The following NME8 variants were observed in gnomAD, a reference collection of about 807,000 sequenced individuals.
The protein encoded by NME8 is NME/NM23 family member 8.
In NME8, 72 loss-of-function variants were observed where a neutral mutation model predicts 82.3. The ratio of observed to expected loss-of-function variants is 0.87; its 90% confidence interval spans 0.72 to 1.06. The LOEUF is 1.06. Among genes scored for constraint, NME8 ranks in the 50% least tolerant of loss-of-function variants. The probability of loss-of-function intolerance (pLI) is 0.00; values close to 1 mark genes in which losing one functional copy is unlikely to be tolerated. For missense variants in NME8, 712 were observed against 685.4 expected (o/e 1.04, Z -0.43); for synonymous variants, 267 against 228.5 (o/e 1.17, Z -1.52).
intron 11 of NME8, among the ~76,000 whole-genome samples, 185 bp from the exon 12 acceptor site, chr7:37,876,647 A>G (rs374445868): frequency 6.6e-6 from 1 of 151,824 alleles, no homozygotes; most frequent in African/African-American, 2.4e-5. Flanking sequence ...AGTGGGCTCA[A>G]TAAAAAGTTG....
intron 14 of NME8, 131 bp downstream of exon 14, chr7:37,885,383 G>C (rs1036473693): frequency 1.4e-6 from 1 of 710,572 alleles, no homozygotes; most frequent in South Asian, 1.5e-5. Flanking sequence ...TCCTGGGGAC[G>C]GAGTGGACTG....
chr7:37,874,093 A>G (rs1459375775), intron 11 of NME8, among the ~76,000 whole-genome samples: 2 of 152,216 alleles, frequency 1.3e-5, no homozygotes, highest in Admixed American at 6.5e-5. Flanking sequence ...ACTTAGCAAT[A>G]TATCACCTAT....
intron 8 of NME8, 118 bp from the exon 9 acceptor site, chr7:37,864,230 T>C: frequency 1.6e-6 from 2 of 1,263,472 alleles, no homozygotes; most frequent in Non-Finnish European, 2.2e-6. Context: ...TACACAGCTA[T>C]CAATGGGCAA....
chr7:37,888,520 A>G lies in NME8; in HGVS notation c.1399+92A>G, dbSNP rs1361751433. The G allele has an allele frequency of 1.0e-5, 13 of 1,291,202 alleles. No homozygotes were observed. In the Admixed American group the frequency reaches 2.5e-4, roughly 25 times the overall value. 80.0% of individuals were successfully genotyped at this position (1,291,202 alleles called of 1,614,324 possible). On this transcript the variant is annotated intron_variant, in intron 15 of 17. Coordinates refer to ENST00000199447, the MANE Select transcript of NME8 (RefSeq NM_016616.5). ...TACAATCAGAAAAGCAAAACAGGAA[A>G]CAGAAAATTCCAAAAAAGAAAAGTT...
chr7:37,895,701 T>A (rs943883526), intron 16 of NME8, among the ~76,000 whole-genome samples: 1 of 152,032 alleles, frequency 6.6e-6, no homozygotes, highest in African/African-American at 2.4e-5. Context: ...AGTAGTCCCA[T>A]AAGATTATCA....
chr7:37,856,876 G>T (rs1784519735), intron 5 of NME8, among the ~76,000 whole-genome samples: 1 of 152,114 alleles, frequency 6.6e-6, no homozygotes, highest in Non-Finnish European at 1.5e-5. Context: ...GCCTGTAGTA[G>T]AATATTGAAA....
rs1784706759 is a variant in NME8, at chr7:37,867,636, T to G, written c.622-66T>G. The stretch of plus-strand genomic sequence containing the variant: ...GGAAGATTTCATTTGACTTGGGTAG[T>G]GACCACCATTTTAGTCCATCCATTT... On this transcript the variant is annotated intron_variant, in intron 10 of 17. Transcript: ENST00000199447. 4 of 1,218,038 alleles carry G rather than the reference T, an allele frequency of 3.3e-6. No homozygotes were observed. In the East Asian group the frequency reaches 9.4e-5, roughly 29 times the overall value. 75.5% of individuals were successfully genotyped at this position (1,218,038 alleles called of 1,614,324 possible).
In NME8 at chr7:37,867,628, T is replaced by C. The variant is rs550607629; in HGVS notation, c.622-74T>C. 5 of 1,087,100 alleles carry C rather than the reference T, an allele frequency of 4.6e-6. No homozygotes were observed. In the East Asian group the frequency reaches 1.2e-4, roughly 26 times the overall value. 67.3% of individuals were successfully genotyped at this position (1,087,100 alleles called of 1,614,324 possible). On this transcript the variant is annotated intron_variant, in intron 10 of 17. Transcript: ENST00000199447. ...ATGGAGAGGGAAGATTTCATTTGAC[T>C]TGGGTAGTGACCACCATTTTAGTCC...
chr7:37,862,887 A>G (rs2722313), intron 7 of NME8, among the ~76,000 whole-genome samples: 116,511 of 152,016 alleles, frequency 0.77, 46,555 homozygotes, highest in Non-Finnish European at 0.91. Context: ...CGGGAGGCCA[A>G]GGAGGGCAGA....
intron 11 of NME8, among the ~76,000 whole-genome samples, chr7:37,876,074 G>T (rs1823520): frequency 0.47 from 71,527 of 151,482 alleles, 17,239 homozygotes; most frequent in East Asian, 0.74. Context: ...GCTGGGCTGG[G>T]GGTGTGCGCC....
At position 37,888,306 on chromosome 7, in the gene NME8, T is replaced by A. The variant is rs121918300; in HGVS notation, c.1277T>A (p.Leu426Ter). 65 of 1,613,718 alleles carry A rather than the reference T, an allele frequency of 4.0e-5. No homozygotes were observed. The Middle Eastern group carries it at 8.3e-4, about 20-fold the overall frequency. The part of the protein sequence containing the change: ...SLCAQFAMDS[L>*]PVNQLYGSDS... The stretch of plus-strand genomic sequence containing the variant: ...TGTGCACAGTTTGCGATGGACAGTT[T>A]GCCGGTCAACCAGTTGTATGGCAGC... Residue 426 changes from leucine to a stop codon, truncating the protein, a stop_gained, in exon 15 of 18, where the codon TTG becomes TAG. Transcript: ENST00000199447. LOFTEE classifies it high-confidence loss of function.
intron 15 of NME8, among the ~76,000 whole-genome samples, chr7:37,891,489 A>G (rs1785128360): frequency 6.6e-6 from 1 of 151,928 alleles, no homozygotes; most frequent in Admixed American, 6.6e-5. Flanking sequence ...TTAGTTTAAA[A>G]CATCTTATTA....
chr7:37,889,833 T>G (rs1349355980), intron 15 of NME8, among the ~76,000 whole-genome samples: 1 of 151,984 alleles, frequency 6.6e-6, no homozygotes, highest in East Asian at 1.9e-4. Context: ...CCTTACAGTT[T>G]GATTCATCTT....
In NME8 at chr7:37,900,277, A is replaced by G. The variant is rs904440107; in HGVS notation, c.*49A>G. 2.0e-5 allele frequency: 3 copies of G among 152,226 alleles called. No homozygotes were observed. Among genetic ancestry groups the G allele is most frequent in the Non-Finnish European group, 4.4e-5 (3 of 68,042 alleles). 9.4% of individuals were successfully genotyped at this position (152,226 alleles called of 1,614,324 possible). ...GAAGATAATACATATGTTCACGTCA[A>G]TATACAACCATTTGGCACAGCTTCC... is the stretch of plus-strand genomic sequence containing the variant. On this transcript the variant is annotated 3_prime_UTR_variant, in exon 18 of 18. Transcript: ENST00000199447.
intron 6 of NME8, among the ~76,000 whole-genome samples, chr7:37,859,484 C>A (rs966747929): frequency 6.6e-6 from 1 of 152,214 alleles, no homozygotes; most frequent in Admixed American, 6.6e-5. Flanking sequence ...TTCCTTTGGA[C>A]ACTCTCTCCA....
chr7:37,888,122 A>G (rs1244802450), intron 14 of NME8, among the ~76,000 whole-genome samples, 155 bp from the exon 15 acceptor site: 1 of 152,134 alleles, frequency 6.6e-6, no homozygotes, highest in African/African-American at 2.4e-5. Flanking sequence ...AAGAAGTAGC[A>G]TGCCCTAAGC....
Position 37,876,999 on chromosome 7 carries a change from A to G in NME8, c.986A>G (p.Glu329Gly). Residue 329 changes from glutamate to glycine, a missense_variant, in exon 12 of 18, where the codon GAA (glutamate) becomes GGA (glycine). Physicochemically the swap from Glu to Gly is moderately conservative, Grantham distance 98 (BLOSUM62 -2). Transcript: ENST00000199447. ...TTACTTCGACCAAATCTCTTTCATG[A>G]AAGGAAAGGTAGGGAATCAAGCATA... Reference protein sequence around the residue: ...LALLRPNLFHERKDDVLRIIK... With the variant: ...LALLRPNLFHGRKDDVLRIIK... 1 of 1,611,908 alleles carries G rather than the reference A, an allele frequency of 6.2e-7. No homozygotes were observed. The highest frequency in any genetic ancestry group is 8.5e-7 in the Non-Finnish European group (1 of 1,178,330).
intron 5 of NME8, among the ~76,000 whole-genome samples, chr7:37,854,540 C>A (rs1051731134): frequency 5.9e-5 from 9 of 152,116 alleles, no homozygotes; most frequent in Non-Finnish European, 1.3e-4. Context: ...CTTCTTCCAC[C>A]ATTTGCTTTG....
chr7:37,884,153 A>T (rs1785005983), intron 12 of NME8, 150 bp from the exon 13 acceptor site: 1 of 620,024 alleles, frequency 1.6e-6, no homozygotes, highest in Admixed American at 2.8e-5. Context: ...TTCACCTTAA[A>T]TTAAAACCTA....
Sources: allele counts gnomAD v4.1 joint callset (sites outside exome capture counted in the v4.1 genomes callset), GRCh38; gene constraint gnomAD v4.1.1; transcripts MANE v1.5; gene names NCBI Gene and HGNC (gene_info 2026-07-23, HGNC 2026-07-21).